LY75: variants seen among roughly 807,000 people sequenced by gnomAD.
The protein encoded by LY75 is C-type lectin domain family 13 member B.
A neutral mutation model predicts 231.7 loss-of-function variants in LY75; 185 were observed. The observed-to-expected ratio is 0.80, with a 90% CI of 0.71 to 0.90. The LOEUF is 0.90. Ranked by LOEUF, LY75 falls within the 40% of genes least tolerant of loss-of-function variation. The pLI, the probability that LY75 is intolerant of heterozygous loss-of-function variation, is 0.00. For missense variants in LY75, 1,947 were observed against 2,050.2 expected (o/e 0.95, Z 0.97); for synonymous variants, 668 against 689.0 (o/e 0.97, Z 0.48).
In LY75 at chr2:159,815,530, T is replaced by A; in HGVS notation, c.4424A>T (p.Asp1475Val). 1.2e-6 allele frequency: 2 copies of A among 1,613,870 alleles called. No homozygotes were observed. Among genetic ancestry groups the A allele is most frequent in the South Asian group, 1.1e-5 (1 of 91,064 alleles). ...TGTTTGGCCTTTCCATGGGATATAG[T>A]CAAATGTACTACCATCAGACCATTC... ...SFEWSDGSTF[D>V]YIPWKGQTSP... Residue 1475 changes from aspartate to valine, a missense_variant, in exon 31 of 35, where the codon GAC (aspartate) becomes GTC (valine). By Grantham distance (152) the Asp-to-Val change is radical (BLOSUM62 -3). Transcript: ENST00000263636.
chr2:159,840,005 CAAAAAAAA>C (rs10671183), intron 25 of LY75, among the ~76,000 whole-genome samples: 2 of 58,932 alleles, frequency 3.4e-5, no homozygotes, highest in Admixed American at 2.9e-4. Flanking sequence ...GAACCTGTCT[CAAAAAAAA>C]AAAAAAGAAA....
chr2:159,898,135 TA>T (rs1223164109), intron 2 of LY75, among the ~76,000 whole-genome samples: 2 of 152,218 alleles, frequency 1.3e-5, no homozygotes, highest in Non-Finnish European at 2.9e-5. Flanking sequence ...GGTGTCTCAC[TA>T]TGTTGCCCAG....
chr2:159,901,936 T>C (rs1459511623), intron 1 of LY75, among the ~76,000 whole-genome samples: 9 of 152,196 alleles, frequency 5.9e-5, no homozygotes, highest in Admixed American at 5.9e-4. Context: ...TTCTTTAACC[T>C]TAGCAGGAGC....
intron 27 of LY75, among the ~76,000 whole-genome samples, chr2:159,831,993 T>C (rs935401378): frequency 1.3e-5 from 2 of 152,236 alleles, no homozygotes; most frequent in African/African-American, 4.8e-5. Context: ...ATGTTAAATT[T>C]GGTCTTATGG....
chr2:159,842,506 T>G, intron 23 of LY75, 132 bp from the exon 24 acceptor site: 2 of 1,161,060 alleles, frequency 1.7e-6, no homozygotes, highest in Non-Finnish European at 2.2e-6. Context: ...ACCATGACAT[T>G]TCCTAGAAAA....
In LY75 at chr2:159,857,843, C is replaced by T. The variant is rs140790055; in HGVS notation, c.2383+519G>A. ...GTAAAATGGTATCTACATTTCTCCCCACTCTCCCTTCTGTTATCAAAGGCT... is the reference window on the plus strand; with the variant it reads ...GTAAAATGGTATCTACATTTCTCCCTACTCTCCCTTCTGTTATCAAAGGCT... On this transcript the variant is annotated intron_variant, in intron 16 of 34. Coordinates refer to ENST00000263636, the MANE Select transcript of LY75 (RefSeq NM_002349.4). Among the ~76,000 whole-genome samples the T allele has an allele frequency of 5.4e-3, 820 of 152,168 alleles. 8 individuals are homozygous for T. The highest frequency in any genetic ancestry group is 0.019 in the African/African-American group (784 of 41,490).
chr2:159,860,911 G>A, intron 14 of LY75, 22 bp from the exon 15 acceptor site: 2 of 1,613,428 alleles, frequency 1.2e-6, no homozygotes, highest in South Asian at 1.1e-5. Context: ...AGAGAGGCTT[G>A]AGAATTTAAG....
At chr2:159,815,132 C>T (rs969930643) in intron 31 of LY75, among the ~76,000 whole-genome samples, 2 of 151,942 alleles carry the variant, frequency 1.3e-5, no homozygotes, top group South Asian at 2.1e-4. Context: ...TCCTGACTAG[C>T]TGGGACTACA....
At chr2:159,842,186 T>TATATATATA (rs1684053461) in intron 24 of LY75, 59 bp downstream of exon 24, 1 of 1,539,922 alleles carries the variant, frequency 6.5e-7, no homozygotes, top group African/African-American at 1.5e-5. Flanking sequence ...TCTCTCTCTC[T>TATATATATA]CTATATATAT....
At chr2:159,836,801 GC>G (rs1683844794) in intron 25 of LY75, among the ~76,000 whole-genome samples, 1 of 152,178 alleles carries the variant, frequency 6.6e-6, no homozygotes, top group African/African-American at 2.4e-5. Context: ...CTTCGGCCAT[GC>G]GACTTTGCCT....
intron 3 of LY75, 90 bp from the exon 4 acceptor site, chr2:159,890,467 C>G: frequency 1.3e-6 from 2 of 1,568,542 alleles, no homozygotes; most frequent in Non-Finnish European, 1.7e-6. Context: ...AGTCAATTTG[C>G]ATACTCTTAG....
chr2:159,875,688 G>A (rs1437396088), intron 11 of LY75, 45 bp from the exon 12 acceptor site: 1 of 1,604,716 alleles, frequency 6.2e-7, no homozygotes, highest in Non-Finnish European at 8.5e-7. Flanking sequence ...AAACGTTAAA[G>A]TTCAAACATT....
chr2:159,803,561 T>C lies in LY75; in HGVS notation c.*1483A>G, dbSNP rs1004995671. On this transcript the variant is annotated 3_prime_UTR_variant, in exon 35 of 35. Transcript: ENST00000263636. Reference sequence around the variant, plus strand: ...ACTATATAAAAACTGTCTTAGAAAATTATTTACAACTTTATCATAGTGTAA... The same window carrying C: ...ACTATATAAAAACTGTCTTAGAAAACTATTTACAACTTTATCATAGTGTAA... 6.6e-6 allele frequency: 1 copy of C among 152,194 alleles called. No individual in the cohort carries two copies. The highest frequency in any genetic ancestry group is 1.5e-5 in the Non-Finnish European group (1 of 68,042). 9.4% of individuals were successfully genotyped at this position (152,194 alleles called of 1,614,324 possible).
At position 159,878,666 on chromosome 2, in the gene LY75, A is replaced by C. The variant is rs1454976823; in HGVS notation, c.1571T>G (p.Phe524Cys). The C allele has an allele frequency of 6.2e-7, 1 of 1,614,034 alleles. No homozygotes were observed. Among genetic ancestry groups the C allele is most frequent in the East Asian group, 2.2e-5 (1 of 44,874 alleles). ...CYKIYEDEVP[F>C]GTNCNLTITS... Reference sequence around the variant, plus strand: ...GATAGTCAGATTGCAGTTTGTTCCAAAAGGGACCTCATCCTCATAAATCTT... The same window carrying C: ...GATAGTCAGATTGCAGTTTGTTCCACAAGGGACCTCATCCTCATAAATCTT... The change falls in exon 10 of 35, where the codon TTT (phenylalanine) becomes TGT (cysteine). Residue 524 changes from phenylalanine (F) to cysteine (C), a missense_variant. By Grantham distance (205) the Phe-to-Cys change is radical (BLOSUM62 -2). Coordinates refer to ENST00000263636, the MANE Select transcript of LY75 (RefSeq NM_002349.4).
chr2:159,880,541 T>C (rs1664611783), intron 8 of LY75, among the ~76,000 whole-genome samples: 1 of 152,180 alleles, frequency 6.6e-6, no homozygotes, highest in African/African-American at 2.4e-5. Flanking sequence ...AGAATGTGAG[T>C]TCTAAAGGGA....
chr2:159,867,235 G>A (rs1343287843), intron 13 of LY75, among the ~76,000 whole-genome samples: 1 of 152,128 alleles, frequency 6.6e-6, no homozygotes, highest in African/African-American at 2.4e-5. Context: ...TCACTAGCAT[G>A]TCATAAATAC....
At chr2:159,900,114 G>A (rs77928410) in intron 1 of LY75, among the ~76,000 whole-genome samples, 4,409 of 152,244 alleles carry the variant, frequency 0.029, 94 homozygotes, top group Non-Finnish European at 0.047. Flanking sequence ...GGTAACCAGC[G>A]GGATCCAATG....
chr2:159,835,645 C>G lies in LY75; in HGVS notation c.3508G>C (p.Asp1170His). ...TCTGACCAACCAAAGTTGAGTTCAT[C>G]CTGTAAGGAGCAGAAGTACATTTCA... ...SLWIGLFSQD[D>H]ELNFGWSDGK... The change falls in exon 26 of 35, where the codon GAT becomes CAT. Residue 1170 changes from aspartate to histidine, a missense_variant and splice_region_variant. Coordinates refer to ENST00000263636, the MANE Select transcript of LY75 (RefSeq NM_002349.4). 1 of 1,612,958 alleles carries G rather than the reference C, an allele frequency of 6.2e-7. No individual in the cohort carries two copies. Among genetic ancestry groups the G allele is most frequent in the Admixed American group, 1.7e-5 (1 of 59,838 alleles).
At chr2:159,819,347 A>G (rs1683217047) in intron 29 of LY75, among the ~76,000 whole-genome samples, 2 of 152,184 alleles carry the variant, frequency 1.3e-5, no homozygotes, top group Admixed American at 1.3e-4. Context: ...TCTTATTTAT[A>G]TAAACCCTAT....
Sources: gnomAD v4.1 joint callset for allele counts (sites outside exome capture counted in the v4.1 genomes callset) on GRCh38, gnomAD v4.1.1 for gene constraint, MANE v1.5 for transcripts, NCBI Gene and HGNC (gene_info 2026-07-23, HGNC 2026-07-21) for gene names.